Variants in NUP58 observed in about 807,000 individuals in gnomAD.
NUP58 encodes nucleoporin 58, also known as nucleoporin p58/p45.
A neutral mutation model predicts 70.1 loss-of-function variants in NUP58; 17 were observed. The ratio of observed to expected loss-of-function variants is 0.24; its 90% CI spans 0.17 to 0.36. The LOEUF is 0.36. NUP58 is among the 10% of genes least tolerant of loss of function. The pLI is 1.00. For synonymous variants in NUP58, 275 were observed against 257.6 expected, an observed-to-expected ratio of 1.07 and a Z score of -0.65; for missense variants, 644 against 701.5, an observed-to-expected ratio of 0.92 and a Z score of 0.93.
At chr13:25,347,480 C>G (rs992802116) in intron 3 of NUP58, among the ~76,000 whole-genome samples, 2 of 152,194 alleles carry the variant, frequency 1.3e-5, no homozygotes. Flanking sequence ...TCTCCACAGG[C>G]TGCTGGGCCT....
At chr13:25,327,127 C>T in intron 11 of NUP58, 93 bp downstream of exon 11, 2 of 680,648 alleles carry the variant, frequency 2.9e-6, no homozygotes, top group Admixed American at 5.5e-5. Context: ...CTACTGGTAG[C>T]CCCTTTAAGA....
At chr13:25,343,108 G>GTACACCCA (rs1566075837), downstream of NUP58, among the ~76,000 whole-genome samples, 4 of 151,588 alleles carry the variant, frequency 2.6e-5, no homozygotes, top group South Asian at 8.3e-4. Context: ...TGAGATTTTG[G>GTACACCCA]TACACCCATC....
chr13:25,321,777 C>T (rs968040499), intron 9 of NUP58, among the ~76,000 whole-genome samples: 1 of 151,988 alleles, frequency 6.6e-6, no homozygotes, highest in Non-Finnish European at 1.5e-5. Context: ...ATTAGCCAGG[C>T]GTGGTGGTGC....
At chr13:25,309,758 G>T (rs987077847) in intron 3 of NUP58, among the ~76,000 whole-genome samples, 1 of 152,108 alleles carries the variant, frequency 6.6e-6, no homozygotes, top group African/African-American at 2.4e-5. Context: ...TAGGGTTTCA[G>T]CCAGCTTTCA....
downstream of NUP58, among the ~76,000 whole-genome samples, chr13:25,343,805 G>GTATATATATATATATATATATA (rs59054918): frequency 8.7e-5 from 12 of 137,648 alleles, no homozygotes; most frequent in South Asian, 1.4e-3. Flanking sequence ...ACATATATAT[G>GTATATATATATATATATATATA]TATATATATA....
Position 25,320,980 on chromosome 13 carries a change from A to G in NUP58, c.838A>G (p.Met280Val), listed in dbSNP as rs1197247180. 1.3e-6 allele frequency: 2 copies of G among 1,592,044 alleles called. No homozygotes were observed. Among genetic ancestry groups the G allele is most frequent in the South Asian group, 1.2e-5 (1 of 85,254 alleles). Residue 280 changes from methionine (M) to valine (V), a missense_variant, in exon 9 of 16, where the codon ATG becomes GTG. Physicochemically the swap from Met to Val is conservative, Grantham distance 21. This residue lies in a region of NUP58 where 430 missense variants were observed against 409.2 expected (regional missense o/e 1.05). Coordinates refer to ENST00000381736, the MANE Select transcript of NUP58 (RefSeq NM_014089.4). ...EEISRMSSKA[M>V]LKVQEDIKAL... is the part of the protein sequence containing the mutation. ...AATTAGTAGAATGTCTTCAAAAGCA[A>G]TGCTTAAGGTACAAGAAGATATTAA...
At chr13:25,302,837 C>T in intron 1 of NUP58, 1 of 389,622 alleles carries the variant, frequency 2.6e-6, no homozygotes, top group East Asian at 7.2e-5. Context: ...TTTGAATTTT[C>T]ATCCATACCT....
intron 15 of NUP58, among the ~76,000 whole-genome samples, chr13:25,339,205 CTT>C (rs1593203060): frequency 6.6e-6 from 1 of 152,110 alleles, no homozygotes; most frequent in East Asian, 1.9e-4. Context: ...TTTTTTGACT[CTT>C]CTTATGAAAA....
intron 9 of NUP58, among the ~76,000 whole-genome samples, chr13:25,322,676 G>A (rs1329286475): frequency 6.6e-6 from 1 of 152,126 alleles, no homozygotes; most frequent in Non-Finnish European, 1.5e-5. Flanking sequence ...CTATTCCCAA[G>A]GTGCCTGATT....
At chr13:25,349,740 A>G (rs1034490850) in exon 4 of NUP58, 3 of 152,440 alleles carry the variant, frequency 2.0e-5, no homozygotes, top group Non-Finnish European at 2.9e-5. Flanking sequence ...AGCTTAGAGT[A>G]GGTTTGATCA....
At chr13:25,304,483 T>TATAG (rs1471678194) in intron 1 of NUP58, among the ~76,000 whole-genome samples, 7 of 25,682 alleles carry the variant, frequency 2.7e-4, no homozygotes, top group Non-Finnish European at 6.1e-4. Flanking sequence ...CAAGATTATA[T>TATAG]ATATATATAT....
intron 1 of NUP58, among the ~76,000 whole-genome samples, chr13:25,305,964 G>A (rs1434051646): frequency 6.6e-6 from 1 of 151,988 alleles, no homozygotes. Context: ...CTTGACTAGG[G>A]GACATCTTTC....
chr13:25,325,362 A>T (rs941034796), intron 10 of NUP58, among the ~76,000 whole-genome samples: 19 of 152,192 alleles, frequency 1.2e-4, no homozygotes, highest in Admixed American at 7.2e-4. Flanking sequence ...TTTACTGGTA[A>T]TGGAAAATTA....
intron 9 of NUP58, among the ~76,000 whole-genome samples, chr13:25,323,258 A>AT (rs2031258692): frequency 1.3e-5 from 2 of 152,140 alleles, no homozygotes; most frequent in Non-Finnish European, 2.9e-5. Flanking sequence ...TTTATAGTTA[A>AT]TGCATGCTGG....
At chr13:25,329,809 G>T (rs1478785124) in intron 12 of NUP58, among the ~76,000 whole-genome samples, 1 of 152,030 alleles carries the variant, frequency 6.6e-6, no homozygotes, top group African/African-American at 2.4e-5. Flanking sequence ...CAAGGTTTTT[G>T]TTTGTTTGTT....
At position 25,310,519 on chromosome 13, in the gene NUP58, C is replaced by CTTTTTT. The variant is rs34548230; in HGVS notation, c.286+1255_286+1260dup. The stretch of plus-strand genomic sequence containing the variant: ...ACAGGCGTGAGCCACTGTGCCTGGC[C>CTTTTTT]TTTTTTTTTTTTTTTTTTTTTTTGG... On this transcript the variant is annotated intron_variant, in intron 3 of 15. Transcript: ENST00000381736. Among the ~76,000 whole-genome samples the CTTTTTT allele has an allele frequency of 1.3e-4, 7 of 53,584 alleles. 1 individual carries two copies. Among genetic ancestry groups the CTTTTTT allele is most frequent in the East Asian group, 6.3e-4 (1 of 1,596 alleles). 35.2% of individuals were successfully genotyped at this position (53,584 alleles called of 152,430 possible). A position where few individuals can be genotyped will look rare whatever the true frequency, so the allele number is the denominator to read the frequency against.
chr13:25,331,766 A>G, intron 13 of NUP58: 2 of 1,396,648 alleles, frequency 1.4e-6, no homozygotes, highest in Non-Finnish European at 1.9e-6. Flanking sequence ...TCAATTAGAT[A>G]TTGAATATTG....
In NUP58 at chr13:25,340,800, C is replaced by T. The variant is rs1013342452; in HGVS notation, c.*666C>T. ...GGGCATAGTGGCGGGTACCTATAAT[C>T]CCAGCTACTCGGGAGGCTGAGGCAC... On this transcript the variant is annotated 3_prime_UTR_variant, in exon 16 of 16. Transcript: ENST00000381736. The T allele has an allele frequency of 5.9e-5, 9 of 151,476 alleles. No homozygotes were observed. Among genetic ancestry groups the T allele is most frequent in the African/African-American group, 1.2e-4 (5 of 41,154 alleles). The allele number at this position is 151,476 out of a possible 1,614,324, so 9.4% of individuals were successfully genotyped here.
chr13:25,308,640 C>G (rs1313770554), intron 2 of NUP58, among the ~76,000 whole-genome samples: 2 of 152,062 alleles, frequency 1.3e-5, no homozygotes, highest in African/African-American at 4.8e-5. Context: ...AGATGTTTTA[C>G]ATTTTTGTAT....
Sources: allele counts gnomAD v4.1 joint callset (sites outside exome capture counted in the v4.1 genomes callset), GRCh38; gene constraint gnomAD v4.1.1; regional missense constraint gnomAD v4.1.1; transcripts MANE v1.5; gene names NCBI Gene and HGNC (gene_info 2026-07-23, HGNC 2026-07-21).